The following VWA5B1 variants were observed in gnomAD, a reference collection of about 807,000 sequenced individuals.
The protein encoded by VWA5B1 is von Willebrand factor A domain-containing protein 5B1.
VWA5B1 carries 115 observed loss-of-function variants against 118.2 expected under a neutral mutation model. The ratio of observed to expected loss-of-function variants is 0.97; its 90% confidence interval spans 0.84 to 1.14. VWA5B1 has a LOEUF of 1.14. Ranked by LOEUF, VWA5B1 falls within the 50% of genes most tolerant of loss-of-function variation. The pLI, the probability that VWA5B1 is intolerant of heterozygous loss-of-function variation, is 0.00. For synonymous variants in VWA5B1, 682 were observed against 658.4 expected (o/e 1.04, Z -0.55); for missense variants, 1,596 against 1,603.8 (o/e 1.00, Z 0.08).
At position 20,358,715 on chromosome 1, in the gene VWA5B1, C is replaced by A. The variant is rs1258264198; in HGVS notation, c.*4452C>A. On this transcript the variant is annotated 3_prime_UTR_variant, in exon 22 of 22. Transcript: ENST00000289815. ...CCATGAATGGGGCATGTGCTCATTG[C>A]CTTGGCATCTGGAAGATTTTGTTCT... Among the ~76,000 whole-genome samples, 1 of 152,200 alleles carries A rather than the reference C, an allele frequency of 6.6e-6. No homozygotes were observed. Among genetic ancestry groups the A allele is most frequent in the Non-Finnish European group, 1.5e-5 (1 of 68,044 alleles).
Position 20,354,424 on chromosome 1 carries a change from C to A in VWA5B1, c.*161C>A, listed in dbSNP as rs566644984. ...CCAGGAGGCCTGAGTTCAATCCCAA[C>A]TTTGCTACCATCCAGCCATGCAACT... On this transcript the variant is annotated 3_prime_UTR_variant, in exon 22 of 22. Coordinates refer to ENST00000289815, the MANE Select transcript of VWA5B1 (RefSeq NM_001039500.3). 7.0e-4 allele frequency: 637 copies of A among 916,294 alleles called. No homozygotes were observed. The highest frequency in any genetic ancestry group is 9.4e-4 in the Non-Finnish European group (593 of 628,362). 56.8% of individuals were successfully genotyped at this position (916,294 alleles called of 1,614,324 possible). A position where few individuals can be genotyped will look rare whatever the true frequency, so the allele number is the denominator to read the frequency against.
intron 17 of VWA5B1, among the ~76,000 whole-genome samples, chr1:20,346,647 T>C (rs1345443081): frequency 6.6e-6 from 1 of 152,242 alleles, no homozygotes; most frequent in African/African-American, 2.4e-5. Context: ...ACACTGAATA[T>C]TGTTTATCTT....
chr1:20,332,463 G>T (rs543740579), intron 11 of VWA5B1, among the ~76,000 whole-genome samples: 30 of 131,138 alleles, frequency 2.3e-4, no homozygotes, highest in Middle Eastern at 9.0e-3. Context: ...CTGGGTGACA[G>T]AGCCAGACTC....
intron 7 of VWA5B1, 69 bp from the exon 8 acceptor site, chr1:20,323,287 A>T (rs932050017): frequency 2.3e-6 from 3 of 1,323,594 alleles, no homozygotes; most frequent in Non-Finnish European, 2.9e-6. Flanking sequence ...AGTGACGGGG[A>T]CCAGCATGAG....
At chr1:20,328,216 C>T (rs1395825283) in intron 9 of VWA5B1, among the ~76,000 whole-genome samples, 1 of 151,766 alleles carries the variant, frequency 6.6e-6, no homozygotes, top group African/African-American at 2.4e-5. Context: ...ATCCCCTCCT[C>T]TTTAGAATCA....
Position 20,356,877 on chromosome 1 carries a change from G to A in VWA5B1, c.*2614G>A, listed in dbSNP as rs1019470699. ...TGAGATGACATGCAGCCTCAAAAAC[G>A]TGCTACCGGGACTGCTAGGCAGAGG... On this transcript the variant is annotated 3_prime_UTR_variant, in exon 22 of 22. Coordinates refer to ENST00000289815, the MANE Select transcript of VWA5B1 (RefSeq NM_001039500.3). 1.3e-5 allele frequency among the ~76,000 whole-genome samples: 2 copies of A among 152,190 alleles called. No individual in the cohort carries two copies. The highest frequency in any genetic ancestry group is 2.9e-5 in the Non-Finnish European group (2 of 68,042).
intron 11 of VWA5B1, among the ~76,000 whole-genome samples, chr1:20,331,868 C>A (rs565720121): frequency 6.6e-6 from 1 of 152,216 alleles, no homozygotes; most frequent in South Asian, 2.1e-4. Flanking sequence ...CTTGCCACAA[C>A]CCCCAAGTCA....
At chr1:20,318,534 C>T in intron 5 of VWA5B1, 56 bp from the exon 6 acceptor site, 5 of 1,547,336 alleles carry the variant, frequency 3.2e-6, no homozygotes, top group Non-Finnish European at 4.4e-6. Flanking sequence ...CCAGCGAACT[C>T]CTCTCTCTCC....
chr1:20,316,202 T>C (rs2100858002), intron 4 of VWA5B1, among the ~76,000 whole-genome samples: 1 of 152,294 alleles, frequency 6.6e-6, no homozygotes, highest in East Asian at 1.9e-4. Flanking sequence ...AAAGGGGACA[T>C]CCACCCTGGA....
chr1:20,340,125 C>T (rs1386963218), intron 14 of VWA5B1, among the ~76,000 whole-genome samples: 1 of 151,992 alleles, frequency 6.6e-6, no homozygotes, highest in Admixed American at 6.6e-5. Flanking sequence ...TCTTCTCTCG[C>T]CCCCTCCTGC....
intron 1 of VWA5B1, among the ~76,000 whole-genome samples, chr1:20,301,483 G>A (rs1280280439): frequency 6.6e-6 from 1 of 152,190 alleles, no homozygotes; most frequent in Non-Finnish European, 1.5e-5. Context: ...GGTTCCAGGG[G>A]CAGGAATTCA....
chr1:20,341,654 T>C (rs1191379301), intron 14 of VWA5B1, among the ~76,000 whole-genome samples: 2 of 152,244 alleles, frequency 1.3e-5, no homozygotes, highest in East Asian at 1.9e-4. Context: ...TTACTCCCAG[T>C]GATTTATGAA....
In VWA5B1 at chr1:20,343,372, C is replaced by A; in HGVS notation, c.2605C>A (p.Arg869Ser). 1 of 1,534,818 alleles carries A rather than the reference C, an allele frequency of 6.5e-7. No individual in the cohort carries two copies. Among genetic ancestry groups the A allele is most frequent in the Non-Finnish European group, 8.8e-7 (1 of 1,142,802 alleles). ...CCGCGACTTCGAGCAGCTGGCGGAGCGCGAGGGCGAGATCGAGCAGGGTGA... is the reference window on the plus strand; with the variant it reads ...CCGCGACTTCGAGCAGCTGGCGGAGAGCGAGGGCGAGATCGAGCAGGGTGA... ...IIRDFEQLAE[R>S]EGEIEQGSNR... The change falls in exon 16 of 22, where the codon CGC becomes AGC. Residue 869 changes from arginine to serine, a missense_variant. Physicochemically the swap from Arg to Ser is moderately radical, Grantham distance 110. Coordinates refer to ENST00000289815, the MANE Select transcript of VWA5B1 (RefSeq NM_001039500.3).
chr1:20,357,350 C>A lies in VWA5B1; in HGVS notation c.*3087C>A, dbSNP rs1186268377. On this transcript the variant is annotated 3_prime_UTR_variant, in exon 22 of 22. Coordinates refer to ENST00000289815, the MANE Select transcript of VWA5B1 (RefSeq NM_001039500.3). ...CTCACTTAGATGAGACGTGAATAAG[C>A]AACCTATGAGAAACTGTGCTATGGG... 6.6e-6 allele frequency among the ~76,000 whole-genome samples: 1 copy of A among 152,208 alleles called. No homozygotes were observed. Among genetic ancestry groups the A allele is most frequent in the Admixed American group, 6.5e-5 (1 of 15,288 alleles).
intron 1 of VWA5B1, among the ~76,000 whole-genome samples, chr1:20,298,202 C>T (rs1034381286): frequency 3.3e-5 from 5 of 151,476 alleles, no homozygotes; most frequent in Non-Finnish European, 7.4e-5. Context: ...TAGAAATGGT[C>T]CCTCTATGTT....
Position 20,323,551 on chromosome 1 carries a change from C to A in VWA5B1, c.1143+19C>A, listed in dbSNP as rs914692319. On this transcript the variant is annotated intron_variant, in intron 8 of 21. Coordinates refer to ENST00000289815, the MANE Select transcript of VWA5B1 (RefSeq NM_001039500.3). ...AGTCAAGGTACCTGCTGAGAGAACCCCTCCCGAGGACCCGGGGCTCCAGGG... is the reference window on the plus strand; with the variant it reads ...AGTCAAGGTACCTGCTGAGAGAACCACTCCCGAGGACCCGGGGCTCCAGGG... 1 of 1,380,532 alleles carries A rather than the reference C, an allele frequency of 7.2e-7. No individual in the cohort carries two copies. Among genetic ancestry groups the A allele is most frequent in the Non-Finnish European group, 9.5e-7 (1 of 1,056,916 alleles). 85.5% of individuals were successfully genotyped at this position (1,380,532 alleles called of 1,614,324 possible). A position where few individuals can be genotyped will look rare whatever the true frequency, so the allele number is the denominator to read the frequency against.
intron 1 of VWA5B1, among the ~76,000 whole-genome samples, chr1:20,305,759 T>C (rs2088633013): frequency 6.6e-6 from 1 of 151,020 alleles, no homozygotes; most frequent in Non-Finnish European, 1.5e-5. Flanking sequence ...GTGGCACTTA[T>C]GGTAGGCAGG....
At chr1:20,349,855 T>C (rs1420618321) in intron 18 of VWA5B1, among the ~76,000 whole-genome samples, 1 of 151,356 alleles carries the variant, frequency 6.6e-6, no homozygotes, top group African/African-American at 2.4e-5. Context: ...GTGAGATAGA[T>C]AATATTATCC....
chr1:20,314,148 C>A (rs889821583), intron 3 of VWA5B1, among the ~76,000 whole-genome samples, 174 bp from the exon 4 acceptor site: 1 of 152,074 alleles, frequency 6.6e-6, no homozygotes, highest in Non-Finnish European at 1.5e-5. Context: ...TAGAGTCAGA[C>A]GCATGGGGGT....
Sources: gnomAD v4.1 joint callset for allele counts (sites outside exome capture counted in the v4.1 genomes callset) on GRCh38, gnomAD v4.1.1 for gene constraint, MANE v1.5 for transcripts, NCBI Gene and HGNC (gene_info 2026-07-23, HGNC 2026-07-21) for gene names.